Variants in CWH43 observed in about 807,000 individuals in gnomAD.
CWH43 encodes cell wall biogenesis 43 C-terminal homolog.
In CWH43, 91 loss-of-function variants were observed where a neutral mutation model predicts 85.7. That is an observed-to-expected ratio of 1.06 (90% confidence interval 0.90 to 1.26). CWH43 has a LOEUF of 1.26. CWH43 is among the 50% of genes most tolerant of loss of function. The pLI is 0.00. For missense variants in CWH43, 869 were observed against 839.2 expected (o/e 1.04, Z -0.44); for synonymous variants, 323 against 293.6 (o/e 1.10, Z -1.02).
chr4:49,032,843 G>A lies in CWH43; in HGVS notation c.1658+128G>A, dbSNP rs1279107053. On this transcript the variant is annotated intron_variant, in intron 12 of 15. Coordinates refer to ENST00000226432, the MANE Select transcript of CWH43 (RefSeq NM_025087.3). The stretch of plus-strand genomic sequence containing the variant: ...TACCTCCCAAAGTATTTCTCCCTGC[G>A]TTGCTGGTTTTAAAAATCAGACAGA... 19 of 1,186,610 alleles carry A rather than the reference G, an allele frequency of 1.6e-5. No homozygotes were observed. The Admixed American group carries it at 1.9e-4, about 12-fold the overall frequency. 73.5% of individuals were successfully genotyped at this position (1,186,610 alleles called of 1,614,324 possible).
chr4:49,060,360 G>T (rs1193602163), intron 15 of CWH43, among the ~76,000 whole-genome samples: 1 of 152,068 alleles, frequency 6.6e-6, no homozygotes, highest in Non-Finnish European at 1.5e-5. Flanking sequence ...GGGGTGGCCC[G>T]AAACTGATGC....
chr4:49,059,162 A>G (rs1057451936), intron 15 of CWH43, among the ~76,000 whole-genome samples: 1 of 151,888 alleles, frequency 6.6e-6, no homozygotes, highest in African/African-American at 2.4e-5. Flanking sequence ...TCTTTTTTCT[A>G]TGACTCTGGT....
intron 12 of CWH43, among the ~76,000 whole-genome samples, chr4:49,035,337 C>G (rs1296635437): frequency 6.6e-6 from 1 of 152,162 alleles, no homozygotes; most frequent in African/African-American, 2.4e-5. Flanking sequence ...CTTTTACAAC[C>G]ACTAAATAGG....
At chr4:48,997,158 G>A (rs1459664570) in intron 5 of CWH43, among the ~76,000 whole-genome samples, 1 of 151,906 alleles carries the variant, frequency 6.6e-6, no homozygotes, top group Non-Finnish European at 1.5e-5. Context: ...GAGAAATGTT[G>A]CATTAGGCCA....
intron 14 of CWH43, among the ~76,000 whole-genome samples, chr4:49,050,042 A>C (rs1255940625): frequency 6.6e-6 from 1 of 152,208 alleles, no homozygotes; most frequent in African/African-American, 2.4e-5. Context: ...ATATATATAC[A>C]TATGTGCTTC....
chr4:48,999,286 T>C (rs147918442), intron 6 of CWH43, among the ~76,000 whole-genome samples: 4 of 152,374 alleles, frequency 2.6e-5, no homozygotes, highest in Admixed American at 2.6e-4. Flanking sequence ...TAGTATTCCA[T>C]GGTGTATATT....
intron 4 of CWH43, 39 bp from the exon 5 acceptor site, chr4:48,994,580 T>A: frequency 6.4e-7 from 1 of 1,557,894 alleles, no homozygotes; most frequent in Non-Finnish European, 8.8e-7. Flanking sequence ...AATTTCCATA[T>A]AACTAAACTT....
chr4:49,008,450 C>T (rs759155528), intron 8 of CWH43, among the ~76,000 whole-genome samples: 5 of 151,942 alleles, frequency 3.3e-5, no homozygotes, highest in African/African-American at 4.8e-5. Context: ...ATGGTAGTTT[C>T]TTTTGCTGTG....
Position 48,986,388 on chromosome 4 carries a change from C to T in CWH43, c.-42C>T, listed in dbSNP as rs1228549533. 4 of 1,542,930 alleles carry T rather than the reference C, an allele frequency of 2.6e-6. No individual in the cohort carries two copies. Among genetic ancestry groups the T allele is most frequent in the Non-Finnish European group, 3.5e-6 (4 of 1,142,510 alleles). On this transcript the variant is annotated 5_prime_UTR_variant, in exon 1 of 16. Transcript: ENST00000226432. The stretch of plus-strand genomic sequence containing the variant: ...CGCAGGGCTAGGGCAGCGGGCCCGA[C>T]CCGCACGGCTTTCCTGGAAAGCGCT...
At chr4:48,999,834 T>A (rs1424903434) in intron 6 of CWH43, among the ~76,000 whole-genome samples, 1 of 152,168 alleles carries the variant, frequency 6.6e-6, no homozygotes, top group Admixed American at 6.5e-5. Flanking sequence ...CATGTCTGCT[T>A]ACTCAAAGAC....
intron 6 of CWH43, among the ~76,000 whole-genome samples, chr4:48,999,171 C>A (rs1439998117): frequency 6.6e-6 from 1 of 152,162 alleles, no homozygotes; most frequent in Admixed American, 6.5e-5. Context: ...TGATAACATG[C>A]AGCATTTGGT....
intron 13 of CWH43, among the ~76,000 whole-genome samples, chr4:49,041,540 CTGTT>C (rs1252979401): frequency 6.6e-6 from 1 of 152,150 alleles, no homozygotes; most frequent in African/African-American, 2.4e-5. Flanking sequence ...ATTTGGCTCT[CTGTT>C]TGTCTATTAT....
chr4:49,039,084 A>C (rs1784355438), intron 13 of CWH43, among the ~76,000 whole-genome samples: 1 of 146,264 alleles, frequency 6.8e-6, no homozygotes, highest in Non-Finnish European at 1.5e-5. Flanking sequence ...AAATTAAATA[A>C]ATAAATAAAT....
At chr4:49,030,470 C>T (rs1784060968) in intron 10 of CWH43, among the ~76,000 whole-genome samples, 1 of 152,126 alleles carries the variant, frequency 6.6e-6, no homozygotes, top group African/African-American at 2.4e-5. Context: ...GCTGTTTGTG[C>T]TGGAATAAAA....
chr4:48,988,459 CTTT>C lies in CWH43; in HGVS notation c.44-7_44-5del, dbSNP rs10537617. ...TTGAAGTTACACTTTCTCTCTTTAACTTTTTTTTTTTTTGTAGGATGTGTTTCT... is the reference window on the plus strand; with the variant it reads ...TTGAAGTTACACTTTCTCTCTTTAACTTTTTTTTTTGTAGGATGTGTTTCT... On this transcript the variant is annotated splice_polypyrimidine_tract_variant and intron_variant, in intron 1 of 15. Transcript: ENST00000226432. The C allele has an allele frequency of 2.9e-4, 370 of 1,294,512 alleles. No individual in the cohort carries two copies. The highest frequency in any genetic ancestry group is 8.0e-4 in the South Asian group (53 of 66,582). The allele number at this position is 1,294,512 out of a possible 1,614,324, so 80.2% of individuals were successfully genotyped here. A position where few individuals can be genotyped will look rare whatever the true frequency, so the allele number is the denominator to read the frequency against.
intron 9 of CWH43, among the ~76,000 whole-genome samples, chr4:49,025,944 G>A (rs1783903613): frequency 6.6e-6 from 1 of 152,100 alleles, no homozygotes. Context: ...CAGCTACCAG[G>A]GCCAGTAGAG....
rs78111824 is a variant in CWH43 at position 49,033,801 on chromosome 4, A to G, written c.1658+1086A>G. Among the ~76,000 whole-genome samples, 46 of 152,330 alleles carry G rather than the reference A, an allele frequency of 3.0e-4. No homozygotes were observed. In the East Asian group the frequency reaches 8.9e-3, roughly 29 times the overall value. ...CATACTAAACCACAATAATTTAAAC[A>G]TGAATATAAAGAGCTATGTGCTATG... On this transcript the variant is annotated intron_variant, in intron 12 of 15. Transcript: ENST00000226432.
intron 15 of CWH43, among the ~76,000 whole-genome samples, chr4:49,059,196 T>C (rs1010738269): frequency 6.6e-6 from 1 of 152,228 alleles, no homozygotes; most frequent in African/African-American, 2.4e-5. Context: ...ATGACCAGAC[T>C]TTGAGCTCTC....
chr4:49,020,416 C>CACACATATAT (rs140534523), intron 9 of CWH43, among the ~76,000 whole-genome samples: 39 of 128,388 alleles, frequency 3.0e-4, no homozygotes, highest in Middle Eastern at 4.4e-3. Flanking sequence ...CACACACACA[C>CACACATATAT]ATATATATAT....
Sources: allele counts gnomAD v4.1 joint callset (sites outside exome capture counted in the v4.1 genomes callset), GRCh38; gene constraint gnomAD v4.1.1; transcripts MANE v1.5; gene names NCBI Gene and HGNC (gene_info 2026-07-23, HGNC 2026-07-21).